Variants in INSR observed in about 807,000 individuals in gnomAD.
The protein encoded by INSR is insulin receptor.
In INSR, 67 loss-of-function variants were observed where a neutral mutation model predicts 142.6. The ratio of observed to expected loss-of-function variants is 0.47; its 90% CI spans 0.39 to 0.58. The LOEUF is 0.58. Ranked by LOEUF, INSR falls within the 20% of genes least tolerant of loss-of-function variation. The pLI, the probability that INSR is intolerant of heterozygous loss-of-function variation, is 0.00. For synonymous variants in INSR, 756 were observed against 743.1 expected, an observed-to-expected ratio of 1.02 and a Z score of -0.28; for missense variants, 1,248 against 1,833.2, an observed-to-expected ratio of 0.68 and a Z score of 5.83.
At chr19:7,184,780 G>C in intron 2 of INSR, 143 bp from the exon 3 acceptor site, 1 of 538,322 alleles carries the variant, frequency 1.9e-6, no homozygotes, top group Non-Finnish European at 2.8e-6. Flanking sequence ...AACACTAACA[G>C]TAAAAGCGGC....
At position 7,267,480 on chromosome 19, in the gene INSR, C is replaced by G. The variant is rs1967771809; in HGVS notation, c.517G>C (p.Val173Leu). 1 of 1,614,054 alleles carries G rather than the reference C, an allele frequency of 6.2e-7. No homozygotes were observed. Reference protein sequence around the residue: ...ILDSVEDNYIVLNKDDNEECG... With the variant: ...ILDSVEDNYILLNKDDNEECG... Reference sequence around the variant, plus strand: ...TCCTCGTTGTCATCTTTGTTCAACACGATGTAATTATCCTCCACGGAATCC... The same window carrying G: ...TCCTCGTTGTCATCTTTGTTCAACAGGATGTAATTATCCTCCACGGAATCC... Residue 173 changes from valine (V) to leucine (L), a missense_variant, in exon 2 of 22, where the codon GTG becomes CTG. By Grantham distance (32) the Val-to-Leu change is conservative (BLOSUM62 1). Coordinates refer to ENST00000302850, the MANE Select transcript of INSR (RefSeq NM_000208.4). The surrounding 1 kb of genome is among the most constrained non-coding windows in gnomAD (Gnocchi z 6.3).
At chr19:7,146,842 T>C (rs535174849) in intron 11 of INSR, among the ~76,000 whole-genome samples, 2 of 152,358 alleles carry the variant, frequency 1.3e-5, no homozygotes, top group East Asian at 3.9e-4. Flanking sequence ...AGTGCACCAT[T>C]GTCCAAAGAA....
intron 2 of INSR, among the ~76,000 whole-genome samples, chr19:7,265,576 A>G (rs532287799): frequency 7.8e-4 from 118 of 152,174 alleles, no homozygotes; most frequent in Non-Finnish European, 1.5e-3. Flanking sequence ...CTCTACTAAC[A>G]ATACAAAAAT....
chr19:7,230,264 G>A (rs1008459855), intron 2 of INSR, among the ~76,000 whole-genome samples: 8 of 152,162 alleles, frequency 5.3e-5, no homozygotes, highest in Non-Finnish European at 1.0e-4. Flanking sequence ...TTGATCAGGT[G>A]TAGCAATGAG....
At chr19:7,292,335 C>A (rs937257145) in intron 1 of INSR, among the ~76,000 whole-genome samples, 3 of 152,096 alleles carry the variant, frequency 2.0e-5, no homozygotes, top group African/African-American at 7.2e-5. Flanking sequence ...CGTGATCCGC[C>A]CGCCTCAGCC....
intron 14 of INSR, 113 bp downstream of exon 14, chr19:7,132,045 G>T: frequency 7.7e-7 from 1 of 1,303,136 alleles, no homozygotes; most frequent in Non-Finnish European, 1.1e-6. Flanking sequence ...ATAGGCCTGA[G>T]AGTCAAGGCC....
chr19:7,289,649 GC>G (rs1555692915), intron 1 of INSR, among the ~76,000 whole-genome samples: 1 of 151,906 alleles, frequency 6.6e-6, no homozygotes, highest in Non-Finnish European at 1.5e-5. Context: ...CAGGGGATCC[GC>G]CCACCTCAGC....
Position 7,122,167 on chromosome 19 carries a change from G to A in INSR, c.3529+447C>T, listed in dbSNP as rs549083795. ...AGAAAAAAGAAAAAAAAAAAAAGCCGGTGCAGTGGCTCACGCCTGTAATCC... is the reference window on the plus strand; with the variant it reads ...AGAAAAAAGAAAAAAAAAAAAAGCCAGTGCAGTGGCTCACGCCTGTAATCC... On this transcript the variant is annotated intron_variant, in intron 19 of 21. Transcript: ENST00000302850. Among the ~76,000 whole-genome samples the A allele has an allele frequency of 4.8e-5, 7 of 146,796 alleles. No homozygotes were observed. In the East Asian group the frequency reaches 6.1e-4, roughly 13 times the overall value.
At chr19:7,171,769 A>G (rs778864973) in intron 5 of INSR, among the ~76,000 whole-genome samples, 42 of 152,188 alleles carry the variant, frequency 2.8e-4, no homozygotes, top group Non-Finnish European at 4.1e-4. Flanking sequence ...GAATGACTAT[A>G]AAAAAGCTTT....
At chr19:7,165,869 A>G (rs940994853) in intron 8 of INSR, among the ~76,000 whole-genome samples, 9 of 109,328 alleles carry the variant, frequency 8.2e-5, no homozygotes, top group Non-Finnish European at 2.1e-4. Context: ...TCTCAAAGAA[A>G]AAAAAAAAAA....
chr19:7,144,872 T>C (rs1357394843), intron 11 of INSR, among the ~76,000 whole-genome samples: 1 of 152,134 alleles, frequency 6.6e-6, no homozygotes, highest in Non-Finnish European at 1.5e-5. Flanking sequence ...AAACTCTATA[T>C]TGACTTGTGG....
chr19:7,259,834 A>G (rs1977005851), intron 2 of INSR, among the ~76,000 whole-genome samples: 1 of 151,308 alleles, frequency 6.6e-6, no homozygotes. Context: ...AAAAAAAAAG[A>G]AAAAGAAAAC....
intron 11 of INSR, among the ~76,000 whole-genome samples, chr19:7,144,701 G>C (rs1973148249): frequency 6.8e-6 from 1 of 146,258 alleles, no homozygotes; most frequent in Non-Finnish European, 1.5e-5. Flanking sequence ...ACCGCACATG[G>C]CTCTTTTTTT....
chr19:7,207,245 G>T (rs1286539374), intron 2 of INSR, among the ~76,000 whole-genome samples: 2 of 151,904 alleles, frequency 1.3e-5, no homozygotes, highest in South Asian at 4.2e-4. Context: ...GTGAAACCTT[G>T]TCTCTGCTAA....
intron 20 of INSR, 31 bp downstream of exon 20, chr19:7,120,589 G>C (rs1316268767): frequency 6.2e-7 from 1 of 1,613,314 alleles, no homozygotes; most frequent in Non-Finnish European, 8.5e-7. Context: ...TTCAAGCCCA[G>C]CGTCCATCCA....
At chr19:7,291,219 G>A (rs58789187) in intron 1 of INSR, among the ~76,000 whole-genome samples, 6,527 of 152,124 alleles carry the variant, frequency 0.043, 431 homozygotes, top group African/African-American at 0.15. Flanking sequence ...ACGGAGGCTC[G>A]GACTCAAAAG....
rs117133277 is a variant in INSR at position 7,216,428 on chromosome 19, C to T, written c.653-31791G>A. On this transcript the variant is annotated intron_variant, in intron 2 of 21. Transcript: ENST00000302850. This position sits in a 1 kb window ranked among gnomAD's most constrained non-coding sequence, Gnocchi z 4.2. ...GTGATGTTATGCGGTACAAATGAGA[C>T]GGCCCCTGAACTCCCACTGTGTACC... Among the ~76,000 whole-genome samples, 174 of 152,252 alleles carry T rather than the reference C, an allele frequency of 1.1e-3. No homozygotes were observed. Among genetic ancestry groups the T allele is most frequent in the Non-Finnish European group, 1.4e-3 (93 of 68,000 alleles).
At chr19:7,143,337 G>A (rs1200225587) in intron 11 of INSR, among the ~76,000 whole-genome samples, 3 of 152,152 alleles carry the variant, frequency 2.0e-5, no homozygotes, top group Non-Finnish European at 2.9e-5. Flanking sequence ...TTCTAAGACC[G>A]TCAATGGTAG....
chr19:7,136,448 T>C (rs2144844673), intron 13 of INSR, among the ~76,000 whole-genome samples: 1 of 152,272 alleles, frequency 6.6e-6, no homozygotes, highest in Middle Eastern at 3.4e-3. Flanking sequence ...CCCTCAGTCC[T>C]GGCTAAACCT....
Sources: allele counts gnomAD v4.1 joint callset (sites outside exome capture counted in the v4.1 genomes callset), GRCh38; gene constraint gnomAD v4.1.1; non-coding constraint Gnocchi (gnomAD v3.1); transcripts MANE v1.5; gene names NCBI Gene and HGNC (gene_info 2026-07-23, HGNC 2026-07-21).